The following PLGRKT variants were observed in gnomAD, a reference collection of about 807,000 sequenced individuals.
The protein encoded by PLGRKT is plasminogen receptor with a C-terminal lysine, also known as plasminogen receptor (KT).
PLGRKT carries 22 observed loss-of-function variants against 18.5 expected under a neutral mutation model. That is an observed-to-expected ratio of 1.19 (90% CI 0.85 to 1.70). The LOEUF is 1.70. PLGRKT is among the 40% of genes most tolerant of loss of function. PLGRKT has a pLI of 0.00. For missense variants in PLGRKT, 235 were observed against 174.4 expected (o/e 1.35, Z -1.96); for synonymous variants, 72 against 52.8 (o/e 1.36, Z -1.58).
chr9:5,384,185 G>C (rs892559385), intron 3 of PLGRKT, among the ~76,000 whole-genome samples: 1 of 152,178 alleles, frequency 6.6e-6, no homozygotes, highest in Non-Finnish European at 1.5e-5. Context: ...ATTGTTGGGG[G>C]AGATCCCCTA....
At chr9:5,396,039 G>A (rs1445508033) in intron 3 of PLGRKT, among the ~76,000 whole-genome samples, 3 of 150,410 alleles carry the variant, frequency 2.0e-5, no homozygotes, top group African/African-American at 4.9e-5. Flanking sequence ...GATTACAGGT[G>A]CCCGCCAACA....
At chr9:5,437,473 G>C (rs190151455) in intron 1 of PLGRKT, among the ~76,000 whole-genome samples, 2 of 152,298 alleles carry the variant, frequency 1.3e-5, no homozygotes, top group East Asian at 3.9e-4. Context: ...TGCTCCCTGA[G>C]GCCAGTTACT....
At chr9:5,425,969 A>C (rs943557353) in intron 3 of PLGRKT, among the ~76,000 whole-genome samples, 3 of 152,212 alleles carry the variant, frequency 2.0e-5, no homozygotes, top group Non-Finnish European at 4.4e-5. Context: ...CATTAAATTT[A>C]AAAATAGCCA....
intron 3 of PLGRKT, among the ~76,000 whole-genome samples, chr9:5,374,170 G>C (rs1364101148): frequency 1.3e-5 from 2 of 152,174 alleles, no homozygotes; most frequent in Admixed American, 6.5e-5. Context: ...GGGAAATGGA[G>C]AGCAAAATCT....
intron 3 of PLGRKT, among the ~76,000 whole-genome samples, chr9:5,367,855 T>C (rs151336081): frequency 2.2e-4 from 33 of 152,320 alleles, no homozygotes; most frequent in African/African-American, 7.7e-4. Context: ...AAAGGTCTAG[T>C]ATCCAGAATC....
intron 3 of PLGRKT, among the ~76,000 whole-genome samples, chr9:5,383,352 CA>C (rs1332941155): frequency 3.3e-5 from 5 of 152,150 alleles, no homozygotes; most frequent in Admixed American, 3.3e-4. Context: ...TCTAGGAAAC[CA>C]ATACACTCCT....
At chr9:5,373,658 C>A (rs1817571610) in intron 3 of PLGRKT, among the ~76,000 whole-genome samples, 2 of 152,036 alleles carry the variant, frequency 1.3e-5, no homozygotes, top group Admixed American at 6.6e-5. Flanking sequence ...ATTAGCTGGG[C>A]ATGGTGGCAC....
At chr9:5,381,921 G>A (rs1227427945) in intron 3 of PLGRKT, 2 of 984,990 alleles carry the variant, frequency 2.0e-6, no homozygotes, top group Non-Finnish European at 2.4e-6. Context: ...ATGAGAGGAA[G>A]AGTCTGCTCC....
At chr9:5,384,585 A>G (rs769317943) in intron 3 of PLGRKT, among the ~76,000 whole-genome samples, 2 of 152,174 alleles carry the variant, frequency 1.3e-5, no homozygotes, top group Non-Finnish European at 2.9e-5. Context: ...CTCTGGAGAT[A>G]CTGCTCTTGA....
chr9:5,403,031 AG>A (rs1315436408), intron 3 of PLGRKT, among the ~76,000 whole-genome samples: 4 of 151,866 alleles, frequency 2.6e-5, no homozygotes, highest in African/African-American at 9.7e-5. Context: ...CCTGGATAAT[AG>A]GTAGTGGAAG....
At chr9:5,425,999 A>G (rs998555613) in intron 3 of PLGRKT, among the ~76,000 whole-genome samples, 17 of 152,230 alleles carry the variant, frequency 1.1e-4, no homozygotes, top group African/African-American at 4.1e-4. Flanking sequence ...ATCACAGGCT[A>G]AAGATGTTAT....
In PLGRKT at chr9:5,431,902, G is replaced by C; in HGVS notation, c.76C>G (p.Leu26Val). The stretch of plus-strand genomic sequence containing the variant: ...TTAATTATTTTAAAACATACCTGAA[G>C]TCGAGCATTCATAAGCATGAACTCC... The part of the protein sequence containing the change: ...QKEFMLMNAR[L>V]QLERQLIMQS... The change falls in exon 3 of 6, where the codon CTT becomes GTT. Residue 26 changes from leucine (L) to valine (V), a missense_variant. By Grantham distance (32) the Leu-to-Val change is conservative (BLOSUM62 1). Transcript: ENST00000223864. 6.8e-7 allele frequency: 1 copy of C among 1,460,584 alleles called. No individual in the cohort carries two copies. The highest frequency in any genetic ancestry group is 9.6e-7 in the Non-Finnish European group (1 of 1,041,788). The allele number at this position is 1,460,584 out of a possible 1,614,324, so 90.5% of individuals were successfully genotyped here.
intron 3 of PLGRKT, among the ~76,000 whole-genome samples, chr9:5,385,810 C>T (rs1817831800): frequency 6.6e-6 from 1 of 151,832 alleles, no homozygotes; most frequent in South Asian, 2.1e-4. Flanking sequence ...ACAGTGTTTC[C>T]TCCAGAATAT....
intron 3 of PLGRKT, among the ~76,000 whole-genome samples, chr9:5,416,879 T>A (rs1163204350): frequency 2.0e-5 from 3 of 152,234 alleles, no homozygotes; most frequent in Non-Finnish European, 4.4e-5. Context: ...ACTGTTCTAC[T>A]TTCACTTCCT....
At chr9:5,399,969 GAC>G (rs1454638468) in intron 3 of PLGRKT, among the ~76,000 whole-genome samples, 1 of 151,556 alleles carries the variant, frequency 6.6e-6, no homozygotes, top group Non-Finnish European at 1.5e-5. Flanking sequence ...CAGTCTGGGC[GAC>G]AGAGTGAGAC....
intron 3 of PLGRKT, among the ~76,000 whole-genome samples, chr9:5,424,901 C>A (rs1325554196): frequency 6.6e-6 from 1 of 151,216 alleles, no homozygotes; most frequent in Non-Finnish European, 1.5e-5. Flanking sequence ...GTGAGCTACC[C>A]CACCCAGCCT....
At chr9:5,381,883 T>A (rs1817753878) in intron 3 of PLGRKT, 4 of 984,776 alleles carry the variant, frequency 4.1e-6, no homozygotes, top group African/African-American at 3.5e-5. Context: ...GATCCTTAAG[T>A]TGTACCAAAT....
chr9:5,363,127 T>A (rs373596817), intron 3 of PLGRKT, among the ~76,000 whole-genome samples: 1 of 151,082 alleles, frequency 6.6e-6, no homozygotes, highest in South Asian at 2.1e-4. Flanking sequence ...GCGGACCCCA[T>A]AACAGACACT....
chr9:5,402,535 C>T (rs1818174291), intron 3 of PLGRKT, among the ~76,000 whole-genome samples: 1 of 152,072 alleles, frequency 6.6e-6, no homozygotes, highest in East Asian at 1.9e-4. Flanking sequence ...CTGGGAACCA[C>T]ACTGGCTGAT....
Sources: allele counts gnomAD v4.1 joint callset (sites outside exome capture counted in the v4.1 genomes callset), GRCh38; gene constraint gnomAD v4.1.1; transcripts MANE v1.5; gene names NCBI Gene and HGNC (gene_info 2026-07-23, HGNC 2026-07-21).